The following TRAPPC9 variants were observed in gnomAD, a reference collection of about 807,000 sequenced individuals.
TRAPPC9 encodes IKK2 binding protein.
TRAPPC9 carries 83 observed loss-of-function variants against 124.0 expected under a neutral mutation model. That is an observed-to-expected ratio of 0.67 (90% CI 0.56 to 0.80). TRAPPC9 has a LOEUF of 0.80. TRAPPC9 is among the 30% of genes least tolerant of loss of function. The pLI, the probability that TRAPPC9 is intolerant of heterozygous loss-of-function variation, is 0.00. For missense variants in TRAPPC9, 1,302 were observed against 1,508.3 expected, an observed-to-expected ratio of 0.86 and a Z score of 2.27; for synonymous variants, 638 against 617.5, an observed-to-expected ratio of 1.03 and a Z score of -0.49.
intron 16 of TRAPPC9, among the ~76,000 whole-genome samples, chr8:140,230,311 GA>G (rs899664922): frequency 9.2e-5 from 14 of 151,970 alleles, no homozygotes; most frequent in African/African-American, 3.1e-4. Context: ...AGATGGTTAA[GA>G]AAAAAAAGAA....
Position 139,894,824 on chromosome 8 carries a change from G to A in TRAPPC9, c.2965-8855C>T, listed in dbSNP as rs138489751. ...ATGGCTCATGGGCACACGAAGTCACGCTCAGAGCAGTGACCAATCCTCACT... is the reference window on the plus strand; with the variant it reads ...ATGGCTCATGGGCACACGAAGTCACACTCAGAGCAGTGACCAATCCTCACT... On this transcript the variant is annotated intron_variant, in intron 20 of 22. Coordinates refer to ENST00000438773, the MANE Select transcript of TRAPPC9 (RefSeq NM_001160372.4). Among the ~76,000 whole-genome samples the A allele has an allele frequency of 1.8e-4, 28 of 152,238 alleles. No individual in the cohort carries two copies. In the East Asian group the frequency reaches 2.5e-3, roughly 14 times the overall value.
intron 21 of TRAPPC9, among the ~76,000 whole-genome samples, chr8:139,841,189 TCG>T (rs1826708033): frequency 6.6e-6 from 1 of 152,182 alleles, no homozygotes; most frequent in Non-Finnish European, 1.5e-5. Flanking sequence ...CCTTCTCACA[TCG>T]CATCACTCCG....
At chr8:139,780,913 T>A (rs908999317) in intron 21 of TRAPPC9, among the ~76,000 whole-genome samples, 1 of 152,022 alleles carries the variant, frequency 6.6e-6, no homozygotes, top group Non-Finnish European at 1.5e-5. Flanking sequence ...AATAAACATA[T>A]AAAAAGATGC....
chr8:140,048,162 G>C (rs376383471), intron 17 of TRAPPC9, among the ~76,000 whole-genome samples: 25 of 152,334 alleles, frequency 1.6e-4, no homozygotes, highest in African/African-American at 6.0e-4. Context: ...AACAGCTGTG[G>C]GTCCCTGAGC....
intron 17 of TRAPPC9, among the ~76,000 whole-genome samples, chr8:140,179,490 C>A (rs1278678627): frequency 6.6e-6 from 1 of 151,994 alleles, no homozygotes; most frequent in Non-Finnish European, 1.5e-5. Context: ...TGATTTATCA[C>A]CCCAAATATG....
chr8:139,773,606 C>T (rs559512934), intron 21 of TRAPPC9, among the ~76,000 whole-genome samples: 4 of 152,174 alleles, frequency 2.6e-5, no homozygotes, highest in Admixed American at 1.3e-4. Context: ...CCATGCCCCA[C>T]GCCAGCCTGC....
At chr8:140,289,174 AGTGTGTGTGTGTGT>A (rs71320349) in intron 12 of TRAPPC9, among the ~76,000 whole-genome samples, 5,008 of 148,346 alleles carry the variant, frequency 0.034, 243 homozygotes, top group African/African-American at 0.11. Context: ...ATATATATAT[AGTGTGTGTGTGTGT>A]GTGTGTGTGT....
intron 7 of TRAPPC9, among the ~76,000 whole-genome samples, chr8:140,380,840 C>T (rs11994465): frequency 4.3e-4 from 65 of 151,874 alleles, no homozygotes; most frequent in African/African-American, 1.4e-3. Context: ...ACCAAAAACA[C>T]GTGAAGAAAA....
intron 17 of TRAPPC9, among the ~76,000 whole-genome samples, chr8:140,084,560 A>T (rs1844062160): frequency 6.6e-6 from 1 of 152,216 alleles, no homozygotes. Context: ...CCAGCATGGA[A>T]ATCAGAATGT....
intron 19 of TRAPPC9, chr8:139,932,209 G>A (rs1178947675): frequency 2.7e-5 from 11 of 412,862 alleles, no homozygotes; most frequent in East Asian, 1.4e-4. Context: ...GGCAGGCCCC[G>A]CAGGCAGCCC....
intron 17 of TRAPPC9, among the ~76,000 whole-genome samples, chr8:140,092,211 T>C (rs1844616997): frequency 6.6e-6 from 1 of 150,938 alleles, no homozygotes. Flanking sequence ...TCTTTTTTTT[T>C]TTTTTTGAGA....
chr8:140,060,428 T>C (rs559311791), intron 17 of TRAPPC9, among the ~76,000 whole-genome samples: 2 of 152,350 alleles, frequency 1.3e-5, no homozygotes, highest in Admixed American at 6.5e-5. Context: ...GCTCTCTCTT[T>C]GCTGAGTTCC....
intron 21 of TRAPPC9, among the ~76,000 whole-genome samples, chr8:139,808,202 T>C (rs564602592): frequency 6.6e-6 from 1 of 152,374 alleles, no homozygotes; most frequent in African/African-American, 2.4e-5. Flanking sequence ...CTCACGCCTA[T>C]AATCCCAGCA....
intron 17 of TRAPPC9, among the ~76,000 whole-genome samples, chr8:140,090,667 C>T (rs1189134186): frequency 3.3e-5 from 5 of 152,220 alleles, no homozygotes; most frequent in African/African-American, 9.6e-5. Flanking sequence ...AATCGCCATC[C>T]CCCACCAAGT....
chr8:140,155,892 C>T (rs1420672119), intron 17 of TRAPPC9, among the ~76,000 whole-genome samples: 1 of 152,202 alleles, frequency 6.6e-6, no homozygotes, highest in African/African-American at 2.4e-5. Context: ...CTGAGAGCCA[C>T]TACTGACGAT....
rs1481657949 is a variant in TRAPPC9 at position 139,899,587 on chromosome 8, G to A, written c.2964+10560C>T. 2.0e-5 allele frequency among the ~76,000 whole-genome samples: 3 copies of A among 152,142 alleles called. No individual in the cohort carries two copies. In the East Asian group the frequency reaches 5.8e-4, roughly 29 times the overall value. On this transcript the variant is annotated intron_variant, in intron 20 of 22. Coordinates refer to ENST00000438773, the MANE Select transcript of TRAPPC9 (RefSeq NM_001160372.4). ...GTGGACCCACGTAGTTCACACCTGTGTTGTTCAAGGGTCAACTGTGCCCTG... is the reference window on the plus strand; with the variant it reads ...GTGGACCCACGTAGTTCACACCTGTATTGTTCAAGGGTCAACTGTGCCCTG...
At chr8:139,985,315 C>T (rs532557394) in intron 19 of TRAPPC9, among the ~76,000 whole-genome samples, 5 of 152,234 alleles carry the variant, frequency 3.3e-5, no homozygotes, top group South Asian at 2.1e-4. Context: ...TGTCATAAGA[C>T]GACCAGATTT....
At chr8:140,229,591 CAG>C (rs2063544733) in intron 16 of TRAPPC9, among the ~76,000 whole-genome samples, 1 of 150,884 alleles carries the variant, frequency 6.6e-6, no homozygotes, top group African/African-American at 2.4e-5. Flanking sequence ...TTTTTTGAGA[CAG>C]AGTCTTACTC....
At chr8:140,044,034 A>C (rs1255067094) in intron 17 of TRAPPC9, among the ~76,000 whole-genome samples, 1 of 152,104 alleles carries the variant, frequency 6.6e-6, no homozygotes, top group Admixed American at 6.5e-5. Context: ...AGTTGTTCTA[A>C]ACTCAGATCA....
Sources: gnomAD v4.1 joint callset for allele counts (sites outside exome capture counted in the v4.1 genomes callset) on GRCh38, gnomAD v4.1.1 for gene constraint, MANE v1.5 for transcripts, NCBI Gene and HGNC (gene_info 2026-07-23, HGNC 2026-07-21) for gene names.